Variants in RAB1A observed in about 807,000 individuals in gnomAD.
RAB1A encodes ras-related protein Rab-1A.
A neutral mutation model predicts 26.0 loss-of-function variants in RAB1A; 2 were observed. That is an observed-to-expected ratio of 0.08 (90% CI 0.03 to 0.24). RAB1A has a LOEUF of 0.24. Ranked by LOEUF, RAB1A falls within the 10% of genes least tolerant of loss-of-function variation. RAB1A has a pLI of 1.00. For synonymous variants in RAB1A, 84 were observed against 84.9 expected, an observed-to-expected ratio of 0.99 and a Z score of 0.06; for missense variants, 100 against 247.0, an observed-to-expected ratio of 0.40 and a Z score of 3.99.
At chr2:65,092,864 T>C (rs1007660958) in intron 3 of RAB1A, among the ~76,000 whole-genome samples, 2 of 152,102 alleles carry the variant, frequency 1.3e-5, no homozygotes, top group Non-Finnish European at 2.9e-5. Flanking sequence ...GACGACGGTT[T>C]CCCCCATTCA....
At chr2:65,127,607 T>C (rs1264456778) in intron 1 of RAB1A, among the ~76,000 whole-genome samples, 1 of 152,076 alleles carries the variant, frequency 6.6e-6, no homozygotes, top group African/African-American at 2.4e-5. Flanking sequence ...ATGCCTGTAA[T>C]CCCAACTTCT....
At chr2:65,105,669 T>C (rs1669538153) in intron 1 of RAB1A, among the ~76,000 whole-genome samples, 2 of 152,070 alleles carry the variant, frequency 1.3e-5, no homozygotes, top group Non-Finnish European at 2.9e-5. Flanking sequence ...TATTATAAAC[T>C]AGAAATGTGA....
intron 1 of RAB1A, among the ~76,000 whole-genome samples, chr2:65,127,669 T>C (rs1485828210): frequency 1.3e-5 from 2 of 152,104 alleles, no homozygotes; most frequent in East Asian, 3.9e-4. Flanking sequence ...GAGGTGGCGG[T>C]GAGAGGAGAT....
chr2:65,120,710 CGTGA>C (rs889572969), intron 1 of RAB1A, among the ~76,000 whole-genome samples: 2 of 151,798 alleles, frequency 1.3e-5, no homozygotes, highest in African/African-American at 2.4e-5. Context: ...TCAAATGTAA[CGTGA>C]GTATGGCTAC....
chr2:65,108,925 A>G (rs1669626787), intron 1 of RAB1A, among the ~76,000 whole-genome samples: 1 of 152,252 alleles, frequency 6.6e-6, no homozygotes. Context: ...GCAAAAGACT[A>G]CTGGTTCTCT....
intron 4 of RAB1A, among the ~76,000 whole-genome samples, chr2:65,089,439 C>T (rs1457710821): frequency 6.6e-6 from 1 of 152,026 alleles, no homozygotes; most frequent in Non-Finnish European, 1.5e-5. Context: ...TGGTCTCGAA[C>T]TCCTGAGCTC....
intron 2 of RAB1A, among the ~76,000 whole-genome samples, chr2:65,103,299 C>CAAAAAAAAAAAAACAAA (rs1669476119): frequency 2.3e-5 from 1 of 44,106 alleles, no homozygotes; most frequent in African/African-American, 7.7e-5. Flanking sequence ...GAATCTGTCT[C>CAAAAAAAAAAAAACAAA]AAAAAAAAAA....
At chr2:65,092,709 G>C (rs1317614711) in intron 3 of RAB1A, among the ~76,000 whole-genome samples, 1 of 152,196 alleles carries the variant, frequency 6.6e-6, no homozygotes, top group Non-Finnish European at 1.5e-5. Context: ...GAACTCCTGG[G>C]CTCAAGTGTT....
chr2:65,089,702 A>ATTTT (rs58993413), intron 4 of RAB1A, among the ~76,000 whole-genome samples: 4 of 141,996 alleles, frequency 2.8e-5, no homozygotes, highest in Non-Finnish European at 6.1e-5. Flanking sequence ...AATTTGATTA[A>ATTTT]TTTTTTTTTT....
At chr2:65,126,142 T>C (rs557489430) in intron 1 of RAB1A, among the ~76,000 whole-genome samples, 68 of 152,022 alleles carry the variant, frequency 4.5e-4, no homozygotes, top group Admixed American at 7.9e-4. Context: ...ACATTAGAGA[T>C]GGCTGGGTAC....
At chr2:65,116,068 A>C (rs1158431943) in intron 1 of RAB1A, among the ~76,000 whole-genome samples, 2 of 152,130 alleles carry the variant, frequency 1.3e-5, no homozygotes, top group Non-Finnish European at 2.9e-5. Flanking sequence ...AGGCAGGAAG[A>C]ATTGCTTGAA....
At chr2:65,099,208 GGTT>G (rs1402397977) in intron 2 of RAB1A, among the ~76,000 whole-genome samples, 1 of 149,516 alleles carries the variant, frequency 6.7e-6, no homozygotes, top group Non-Finnish European at 1.5e-5. Context: ...AATTGATTTG[GGTT>G]GTTTCCACTT....
At chr2:65,117,133 A>C (rs1355869896) in intron 1 of RAB1A, among the ~76,000 whole-genome samples, 2 of 146,710 alleles carry the variant, frequency 1.4e-5, no homozygotes, top group Non-Finnish European at 3.0e-5. Context: ...TGGTGCAATC[A>C]CAGTTCACGG....
Position 65,092,826 on chromosome 2 carries a change from T to C in RAB1A, c.193-1748A>G, listed in dbSNP as rs374314438. On this transcript the variant is annotated intron_variant, in intron 3 of 5. Transcript: ENST00000409784. ...AAGTTGTAATCACTGAGGGAAGTGA[T>C]TGGATTATGGAGAAGTGATTGGATT... Among the ~76,000 whole-genome samples, 23 of 152,248 alleles carry C rather than the reference T, an allele frequency of 1.5e-4. No individual in the cohort carries two copies. The East Asian group carries it at 2.1e-3, about 14-fold the overall frequency.
intron 1 of RAB1A, among the ~76,000 whole-genome samples, chr2:65,122,273 G>A (rs1669983005): frequency 6.6e-6 from 1 of 151,088 alleles, no homozygotes; most frequent in African/African-American, 2.4e-5. Flanking sequence ...ACTCAGCCAA[G>A]CGTGGGGCTC....
At chr2:65,122,900 G>A (rs1230889733) in intron 1 of RAB1A, among the ~76,000 whole-genome samples, 4 of 149,650 alleles carry the variant, frequency 2.7e-5, no homozygotes, top group Admixed American at 2.7e-4. Context: ...GAGCCCAGGA[G>A]GCAGAGCTTG....
intron 2 of RAB1A, among the ~76,000 whole-genome samples, chr2:65,103,821 C>T (rs1016551738): frequency 4.6e-5 from 7 of 151,724 alleles, no homozygotes; most frequent in African/African-American, 1.7e-4. Flanking sequence ...GCTCTGTTGC[C>T]AGGCTGGAGT....
rs940561043 is a variant in RAB1A at position 65,123,758 on chromosome 2, G to A, written c.23+6135C>T. Among the ~76,000 whole-genome samples the A allele has an allele frequency of 9.2e-5, 14 of 151,914 alleles. No individual in the cohort carries two copies. The East Asian group carries it at 1.4e-3, about 15-fold the overall frequency. On this transcript the variant is annotated intron_variant, in intron 1 of 5. Transcript: ENST00000409784. ...GAAGAATCACTTAAACCTGGAAGGC[G>A]GAGGTTGCAGTGAGCCGAGATCACG...
intron 3 of RAB1A, among the ~76,000 whole-genome samples, chr2:65,096,985 A>T (rs1669303803): frequency 2.0e-5 from 3 of 152,248 alleles, no homozygotes; most frequent in Admixed American, 2.0e-4. Flanking sequence ...CATTTTAGAA[A>T]GGAAACTGGG....
Sources: allele counts gnomAD v4.1 joint callset (sites outside exome capture counted in the v4.1 genomes callset), GRCh38; gene constraint gnomAD v4.1.1; transcripts MANE v1.5; gene names NCBI Gene and HGNC (gene_info 2026-07-23, HGNC 2026-07-21).